UBAP2L: variants seen among roughly 807,000 people sequenced by gnomAD.
UBAP2L encodes ubiquitin associated protein 2 like, also known as ubiquitin-associated protein 2-like.
A neutral mutation model predicts 130.6 loss-of-function variants in UBAP2L; 12 were observed. The observed-to-expected ratio is 0.09, with a 90% CI of 0.06 to 0.15. UBAP2L has a LOEUF of 0.15. UBAP2L is among the 10% of genes least tolerant of loss of function. The pLI, the probability that UBAP2L is intolerant of heterozygous loss-of-function variation, is 1.00. For synonymous variants in UBAP2L, 503 were observed against 524.7 expected, an observed-to-expected ratio of 0.96 and a Z score of 0.57; for missense variants, 965 against 1,332.5, an observed-to-expected ratio of 0.72 and a Z score of 4.29.
At chr1:154,234,921 T>G in intron 5 of UBAP2L, 162 bp downstream of exon 5, 1 of 934,484 alleles carries the variant, frequency 1.1e-6, no homozygotes, top group Admixed American at 2.6e-5. Flanking sequence ...GCATGTGGCC[T>G]TTTCTACCAA....
At chr1:154,235,087 TA>T (rs1671170600) in intron 5 of UBAP2L, 108 bp from the exon 6 acceptor site, 1 of 677,596 alleles carries the variant, frequency 1.5e-6, no homozygotes, top group Admixed American at 2.8e-5. Context: ...CCCAATACCA[TA>T]TTACATACCA....
chr1:154,259,728 G>A (rs1378856988), intron 21 of UBAP2L: 2 of 692,748 alleles, frequency 2.9e-6, no homozygotes, highest in Non-Finnish European at 5.2e-6. Context: ...TTCTCAAGTG[G>A]GCATACCCGT....
rs202092808 is a variant in UBAP2L at position 154,251,182 on chromosome 1, C to T, written c.1355C>T (p.Pro452Leu). ...ACCTCCACAGCTGCACCTCCACCTCCGTCTTCTCCTCTGCCAAGCAAATCC... is the reference window on the plus strand; with the variant it reads ...ACCTCCACAGCTGCACCTCCACCTCTGTCTTCTCCTCTGCCAAGCAAATCC... ...VATSTAAPPP[P>L]SSPLPSKSTS... Residue 452 changes from proline to leucine, a missense_variant, in exon 13 of 27, where the codon CCG becomes CTG. Pro to Leu is a moderately conservative substitution (Grantham distance 98). Around this residue, in one of 9 missense-constraint regions of UBAP2L, gnomAD observed 74 missense variants for 97.1 expected, o/e 0.76. Transcript: ENST00000428931. The T allele has an allele frequency of 4.6e-5, 75 of 1,614,166 alleles. 2 individuals carry two copies. The East Asian group carries it at 5.1e-4, about 11-fold the overall frequency.
At chr1:154,239,974 T>C (rs570866286) in intron 8 of UBAP2L, among the ~76,000 whole-genome samples, 1 of 152,348 alleles carries the variant, frequency 6.6e-6, no homozygotes, top group South Asian at 2.1e-4. Flanking sequence ...TTACAATGAA[T>C]ATATTTTCCT....
chr1:154,224,050 T>G (rs954317501), intron 1 of UBAP2L, among the ~76,000 whole-genome samples: 4 of 152,208 alleles, frequency 2.6e-5, no homozygotes, highest in African/African-American at 9.6e-5. Flanking sequence ...GCAGCTGAGA[T>G]TGTATTATAA....
intron 7 of UBAP2L, 99 bp from the exon 8 acceptor site, chr1:154,236,924 AT>A: frequency 1.1e-6 from 1 of 903,426 alleles, no homozygotes. Context: ...GCCATGACAG[AT>A]TTGTACTAGG....
chr1:154,234,386 T>A (rs572316871), intron 4 of UBAP2L, among the ~76,000 whole-genome samples: 25 of 151,580 alleles, frequency 1.6e-4, no homozygotes, highest in African/African-American at 5.6e-4. Context: ...TAAATAAATA[T>A]AAATAAATAA....
At chr1:154,250,889 C>T (rs1425686160) in intron 12 of UBAP2L, 152 bp from the exon 13 acceptor site, 2 of 642,900 alleles carry the variant, frequency 3.1e-6, no homozygotes, top group East Asian at 2.9e-5. Context: ...GTGATTGTCA[C>T]CTATAGAAAT....
intron 25 of UBAP2L, among the ~76,000 whole-genome samples, chr1:154,268,478 A>G (rs1309880421): frequency 1.3e-5 from 2 of 152,228 alleles, no homozygotes; most frequent in African/African-American, 4.8e-5. Context: ...GATGTGAGCC[A>G]CCATGCCCAG....
At chr1:154,244,959 TCTCA>T (rs2148792219) in intron 10 of UBAP2L, among the ~76,000 whole-genome samples, 1 of 150,114 alleles carries the variant, frequency 6.7e-6, no homozygotes, top group South Asian at 2.1e-4. Flanking sequence ...TGAGACAGAG[TCTCA>T]CTCTGTTGCC....
At position 154,270,639 on chromosome 1, in the gene UBAP2L, C is replaced by T. The variant is rs1044013; in HGVS notation, c.*344C>T. The stretch of plus-strand genomic sequence containing the variant: ...GAGGCGGGGAGGTGGGACCCCCAAA[C>T]ATATATCAGCCCAACAGCCCTAAGT... On this transcript the variant is annotated 3_prime_UTR_variant, in exon 27 of 27. Coordinates refer to ENST00000428931, the MANE Select transcript of UBAP2L (RefSeq NM_014847.4). 0.53 allele frequency: 751,243 copies of T among 1,408,410 alleles called. 203,855 individuals are homozygous for T. The highest frequency in any genetic ancestry group is 0.66 in the African/African-American group (45,850 of 69,092). 87.2% of individuals were successfully genotyped at this position (1,408,410 alleles called of 1,614,324 possible).
chr1:154,254,103 G>C lies in UBAP2L; in HGVS notation c.1854+14G>C. ...ACTCAGGCAAAGGTAGTGGCTTCAT[G>C]AACCCTTGGGAATTGGTTAGGAGAA... On this transcript the variant is annotated intron_variant, in intron 15 of 26. Transcript: ENST00000428931. 1.3e-6 allele frequency: 2 copies of C among 1,510,306 alleles called. No individual in the cohort carries two copies. Among genetic ancestry groups the C allele is most frequent in the South Asian group, 2.7e-5 (2 of 74,598 alleles). 93.6% of individuals were successfully genotyped at this position (1,510,306 alleles called of 1,614,324 possible).
rs774839660 is a variant in UBAP2L at position 154,259,984 on chromosome 1, C to A, written c.2533C>A (p.Pro845Thr). ...CATCCCATTTCCCACACCCACTACT[C>A]CGCTGACTGGGAGGGATGGTAGCCT... ...YSIPFPTPTTPLTGRDGSLAS... is the reference protein window; with the variant it reads ...YSIPFPTPTTTLTGRDGSLAS... The change falls in exon 22 of 27, where the codon CCG (proline) becomes ACG (threonine). Residue 845 changes from proline to threonine, a missense_variant. This residue lies in a region of UBAP2L where 194 missense variants were observed against 334.0 expected (regional missense o/e 0.58). Transcript: ENST00000428931. The A allele has an allele frequency of 4.3e-6, 7 of 1,614,076 alleles. No individual in the cohort carries two copies. Among genetic ancestry groups the A allele is most frequent in the African/African-American group, 1.3e-5 (1 of 74,914 alleles).
Position 154,251,064 on chromosome 1 carries a change from G to T in UBAP2L, c.1237G>T (p.Ala413Ser), listed in dbSNP as rs528881045. The stretch of plus-strand genomic sequence containing the variant: ...AGATTTGAAGAACCCAAGTGATTCA[G>T]CAGTGCACAGCCCCTTTACAAAGCG... ...QYDLKNPSDS[A>S]VHSPFTKRQA... Residue 413 changes from alanine (A) to serine (S), a missense_variant, in exon 13 of 27, where the codon GCA (alanine) becomes TCA (serine). By Grantham distance (99) the Ala-to-Ser change is moderately conservative (BLOSUM62 1). Transcript: ENST00000428931. The T allele has an allele frequency of 5.1e-5, 82 of 1,612,062 alleles. No individual in the cohort carries two copies. Among genetic ancestry groups the T allele is most frequent in the Admixed American group, 1.0e-4 (6 of 59,922 alleles).
intron 8 of UBAP2L, among the ~76,000 whole-genome samples, chr1:154,239,715 C>T (rs1332237333): frequency 6.6e-6 from 1 of 152,168 alleles, no homozygotes; most frequent in Non-Finnish European, 1.5e-5. Flanking sequence ...CATCAAGAGC[C>T]TAGATTAAAT....
intron 24 of UBAP2L, chr1:154,263,425 G>T: frequency 8.1e-7 from 1 of 1,228,974 alleles, no homozygotes; most frequent in Non-Finnish European, 1.0e-6. Flanking sequence ...TGTTGCTTTT[G>T]ATTTCTGGAA....
In UBAP2L at chr1:154,234,728, A is replaced by G; in HGVS notation, c.417A>G (p.Arg139=). Residue 139 remains arginine, a synonymous_variant, in exon 5 of 27, where the codon AGA becomes AGG. Coordinates refer to ENST00000428931, the MANE Select transcript of UBAP2L (RefSeq NM_014847.4). ...GTCGGCGACGTGGTGGGCCACCAAG[A>G]CGGGGGAGAGGTGCCAGCCGTGGAC... The part of the protein sequence containing the change: ...DYSRRRGGPP[R]RGRGASRGRE... 1 of 1,609,086 alleles carries G rather than the reference A, an allele frequency of 6.2e-7. No homozygotes were observed. The highest frequency in any genetic ancestry group is 8.5e-7 in the Non-Finnish European group (1 of 1,177,548).
intron 20 of UBAP2L, chr1:154,257,638 A>T: frequency 3.4e-6 from 2 of 592,470 alleles, no homozygotes; most frequent in East Asian, 5.6e-5. Flanking sequence ...GTTGGAAAAA[A>T]TTCATATATA....
intron 25 of UBAP2L, among the ~76,000 whole-genome samples, chr1:154,267,639 TTTTG>T (rs1250412905): frequency 2.0e-5 from 3 of 151,414 alleles, no homozygotes; most frequent in Admixed American, 2.0e-4. Context: ...TATTTTTGTT[TTTTG>T]TTTGTTTTGT....
Sources: gnomAD v4.1 joint callset for allele counts (sites outside exome capture counted in the v4.1 genomes callset) on GRCh38, gnomAD v4.1.1 for gene constraint, gnomAD v4.1.1 regional missense constraint, MANE v1.5 for transcripts, NCBI Gene and HGNC (gene_info 2026-07-23, HGNC 2026-07-21) for gene names.